Variants in CDH10 observed in about 807,000 individuals in gnomAD.
CDH10 encodes the protein cadherin-10.
A neutral mutation model predicts 73.1 loss-of-function variants in CDH10; 30 were observed. That is an observed-to-expected ratio of 0.41 (90% CI 0.31 to 0.56). CDH10 has a LOEUF of 0.56. Ranked by LOEUF, CDH10 falls within the 20% of genes least tolerant of loss-of-function variation. CDH10 has a pLI of 0.27. For synonymous variants in CDH10, 345 were observed against 348.2 expected, an observed-to-expected ratio of 0.99 and a Z score of 0.10; for missense variants, 815 against 973.7, an observed-to-expected ratio of 0.84 and a Z score of 2.17.
intron 2 of CDH10, among the ~76,000 whole-genome samples, chr5:24,538,823 C>A (rs1287435779): frequency 6.6e-6 from 1 of 152,040 alleles, no homozygotes; most frequent in African/African-American, 2.4e-5. Flanking sequence ...ATATAGAATT[C>A]TTACTCTGAA....
In CDH10 at chr5:24,519,344, A is replaced by C. The variant is rs953023239; in HGVS notation, c.815-7830T>G. On this transcript the variant is annotated intron_variant, in intron 5 of 11. Transcript: ENST00000264463. Reference sequence around the variant, plus strand: ...ATCTTCAGTTTGAAAGGGATTTCTAAAACAACAAAATTTAAAAAGGTTGAT... The same window carrying C: ...ATCTTCAGTTTGAAAGGGATTTCTACAACAACAAAATTTAAAAAGGTTGAT... Among the ~76,000 whole-genome samples the C allele has an allele frequency of 3.4e-5, 4 of 116,744 alleles. No individual in the cohort carries two copies. In the East Asian group the frequency reaches 1.2e-3, roughly 34 times the overall value. 76.6% of individuals were successfully genotyped at this position (116,744 alleles called of 152,430 possible).
chr5:24,586,930 C>T (rs1023509772), intron 2 of CDH10, among the ~76,000 whole-genome samples: 1 of 146,822 alleles, frequency 6.8e-6, no homozygotes, highest in Non-Finnish European at 1.5e-5. Flanking sequence ...CTGCAAGCTC[C>T]GCCTCCCGGG....
At chr5:24,521,470 G>C (rs1474644587) in intron 5 of CDH10, among the ~76,000 whole-genome samples, 3 of 152,140 alleles carry the variant, frequency 2.0e-5, no homozygotes, top group Non-Finnish European at 2.9e-5. Flanking sequence ...AGGTGGGCAT[G>C]GTAGCGCATG....
chr5:24,533,344 TAAC>T (rs985385232), intron 5 of CDH10, among the ~76,000 whole-genome samples: 1 of 151,428 alleles, frequency 6.6e-6, no homozygotes, highest in Non-Finnish European at 1.5e-5. Flanking sequence ...ATAATAATAA[TAAC>T]AATAATAATA....
intron 2 of CDH10, among the ~76,000 whole-genome samples, chr5:24,544,212 T>G (rs1482689138): frequency 6.6e-6 from 1 of 152,036 alleles, no homozygotes; most frequent in Non-Finnish European, 1.5e-5. Flanking sequence ...GAGAATCTCT[T>G]GAACTGGGGA....
chr5:24,621,937 G>A (rs1203635136), intron 1 of CDH10, among the ~76,000 whole-genome samples: 1 of 152,184 alleles, frequency 6.6e-6, no homozygotes, highest in African/African-American at 2.4e-5. Flanking sequence ...CCTAAAACTA[G>A]TATGACTGGA....
At position 24,593,457 on chromosome 5, in the gene CDH10, A is replaced by C; in HGVS notation, c.34T>G (p.Phe12Val). 1 of 1,609,174 alleles carries C rather than the reference A, an allele frequency of 6.2e-7. No individual in the cohort carries two copies. Among genetic ancestry groups the C allele is most frequent in the Non-Finnish European group, 8.5e-7 (1 of 1,175,788 alleles). Residue 12 changes from phenylalanine (F) to valine (V), a missense_variant, in exon 2 of 12, where the codon TTC becomes GTC. Phe to Val is a conservative substitution (Grantham distance 50). Transcript: ENST00000264463. ...TIHQFLLLFL[F>V]WVCLPHFCSP... ...CAGAAATGTGGCAGGCATACCCAGA[A>C]TAGAAACAGTAGCAAAAATTGATGT...
intron 2 of CDH10, among the ~76,000 whole-genome samples, chr5:24,568,849 C>T (rs1745259691): frequency 6.6e-6 from 1 of 152,136 alleles, no homozygotes; most frequent in South Asian, 2.1e-4. Context: ...CGGTGGTTCA[C>T]ACTTGTAATC....
chr5:24,619,385 A>G (rs886389455), intron 1 of CDH10, among the ~76,000 whole-genome samples: 4 of 151,924 alleles, frequency 2.6e-5, no homozygotes, highest in Admixed American at 6.6e-5. Flanking sequence ...AGTAGAGACG[A>G]GGTTTCACCG....
intron 1 of CDH10, among the ~76,000 whole-genome samples, chr5:24,596,847 C>T (rs1026655466): frequency 6.6e-6 from 1 of 151,752 alleles, no homozygotes; most frequent in Admixed American, 6.6e-5. Flanking sequence ...AAAAGCCTCT[C>T]TAAATATGTT....
intron 1 of CDH10, among the ~76,000 whole-genome samples, chr5:24,614,857 G>T (rs1417332432): frequency 6.6e-6 from 1 of 152,132 alleles, no homozygotes; most frequent in African/African-American, 2.4e-5. Context: ...ATCCAAGGCG[G>T]CAGGACTTAT....
chr5:24,607,474 T>C (rs1282151401), intron 1 of CDH10, among the ~76,000 whole-genome samples: 1 of 152,188 alleles, frequency 6.6e-6, no homozygotes, highest in Non-Finnish European at 1.5e-5. Context: ...TGTCTGTTGT[T>C]CCTACTTTAT....
intron 1 of CDH10, among the ~76,000 whole-genome samples, chr5:24,600,008 T>C (rs970646270): frequency 2.0e-5 from 3 of 152,134 alleles, no homozygotes; most frequent in African/African-American, 7.2e-5. Flanking sequence ...ATTAGTTAAA[T>C]TTCATTTTCC....
At chr5:24,603,360 A>C (rs1001262091) in intron 1 of CDH10, among the ~76,000 whole-genome samples, 1 of 152,220 alleles carries the variant, frequency 6.6e-6, no homozygotes, top group African/African-American at 2.4e-5. Flanking sequence ...CAAAACGATA[A>C]AACATTACAA....
At chr5:24,591,268 A>G (rs895325259) in intron 2 of CDH10, among the ~76,000 whole-genome samples, 2 of 152,034 alleles carry the variant, frequency 1.3e-5, no homozygotes, top group Non-Finnish European at 2.9e-5. Flanking sequence ...TTCACAGATT[A>G]TGACATGAAT....
intron 5 of CDH10, among the ~76,000 whole-genome samples, chr5:24,530,460 A>G (rs963467662): frequency 6.6e-6 from 1 of 151,932 alleles, no homozygotes; most frequent in African/African-American, 2.4e-5. Context: ...TCTATTTTTT[A>G]TGATTTTAGA....
intron 1 of CDH10, among the ~76,000 whole-genome samples, chr5:24,636,075 T>A (rs1360306073): frequency 6.6e-6 from 1 of 151,860 alleles, no homozygotes; most frequent in Non-Finnish European, 1.5e-5. Flanking sequence ...TAAGCATAGG[T>A]CACATGAATT....
At chr5:24,530,706 A>C (rs1225275813) in intron 5 of CDH10, among the ~76,000 whole-genome samples, 1 of 152,036 alleles carries the variant, frequency 6.6e-6, no homozygotes, top group Non-Finnish European at 1.5e-5. Flanking sequence ...TATACATTTT[A>C]ATATTTAGAG....
chr5:24,578,739 A>G (rs1470421821), intron 2 of CDH10, among the ~76,000 whole-genome samples: 1 of 152,172 alleles, frequency 6.6e-6, no homozygotes, highest in Non-Finnish European at 1.5e-5. Flanking sequence ...ATCTTTAATG[A>G]ATTCTGTCTA....
Sources: gnomAD v4.1 joint callset for allele counts (sites outside exome capture counted in the v4.1 genomes callset) on GRCh38, gnomAD v4.1.1 for gene constraint, MANE v1.5 for transcripts, NCBI Gene and HGNC (gene_info 2026-07-23, HGNC 2026-07-21) for gene names.